The following SCN7A variants were observed in gnomAD, a reference collection of about 807,000 sequenced individuals.
The protein encoded by SCN7A is sodium voltage-gated channel alpha subunit 7, also known as sodium channel protein type 7 subunit alpha.
In SCN7A, 138 loss-of-function variants were observed where a neutral mutation model predicts 155.2. The observed-to-expected ratio is 0.89, with a 90% CI of 0.77 to 1.02. The LOEUF (loss-of-function observed/expected upper bound fraction) is 1.02. Ranked by LOEUF, SCN7A falls within the 50% of genes least tolerant of loss-of-function variation. SCN7A has a pLI of 0.00. For missense variants in SCN7A, 2,058 were observed against 1,986.6 expected, an observed-to-expected ratio of 1.04 and a Z score of -0.68; for synonymous variants, 693 against 649.0, an observed-to-expected ratio of 1.07 and a Z score of -1.03.
chr2:166,465,097 T>A (rs1575052108), intron 9 of SCN7A, among the ~76,000 whole-genome samples: 1 of 152,174 alleles, frequency 6.6e-6, no homozygotes, highest in East Asian at 1.9e-4. Flanking sequence ...ATGTGATCGA[T>A]ATCCTCAGAG....
At chr2:166,422,074 C>T (rs759192813) in intron 19 of SCN7A, among the ~76,000 whole-genome samples, 77 of 151,944 alleles carry the variant, frequency 5.1e-4, no homozygotes, top group Non-Finnish European at 7.5e-4. Context: ...AACAGGAAGG[C>T]GAGTTGCAGG....
chr2:166,412,688 A>C (rs1242921454), intron 22 of SCN7A, 21 bp from the exon 23 acceptor site: 1 of 1,473,600 alleles, frequency 6.8e-7, no homozygotes, highest in Non-Finnish European at 8.9e-7. Context: ...AAAATAAGCA[A>C]ATTATTGATA....
intron 15 of SCN7A, among the ~76,000 whole-genome samples, chr2:166,438,111 G>T (rs2105425911): frequency 6.6e-6 from 1 of 152,272 alleles, no homozygotes; most frequent in East Asian, 1.9e-4. Context: ...ATCTTGAATT[G>T]TAGTTTCCAT....
chr2:166,456,922 G>C lies in SCN7A; in HGVS notation c.1238C>G (p.Pro413Arg), dbSNP rs1702295798. 6.4e-7 allele frequency: 1 copy of C among 1,561,164 alleles called. No individual in the cohort carries two copies. The highest frequency in any genetic ancestry group is 8.7e-7 in the Non-Finnish European group (1 of 1,152,170). ...TTCTTTTCCAGTCTGTTGAAATTTT[G>C]GTTCAATCTTCTTAGATATTTCACC... is the stretch of plus-strand genomic sequence containing the variant. The part of the protein sequence containing the change: ...RVGEISKKIE[P>R]KFQQTGKELQ... The change falls in exon 11 of 26, where the codon CCA becomes CGA. Residue 413 changes from proline to arginine, a missense_variant. Transcript: ENST00000643258.
Position 166,423,420 on chromosome 2 carries a change from T to TATC in SCN7A, c.2863_2865dup (p.Asp955dup). 6.4e-7 allele frequency: 1 copy of TATC among 1,557,024 alleles called. No individual in the cohort carries two copies. Among genetic ancestry groups the TATC allele is most frequent in the South Asian group, 1.2e-5 (1 of 81,958 alleles). On this transcript the variant is annotated inframe_insertion, in exon 19 of 26. Transcript: ENST00000643258. ...ATTGTCTTTCTCTGATCCATATATATATCTTCAAAAGCCTGTGGGTAAAAA... is the reference window on the plus strand; with the variant it reads ...ATTGTCTTTCTCTGATCCATATATATATCATCTTCAAAAGCCTGTGGGTAAAAA...
chr2:166,406,031 A>C lies in SCN7A; in HGVS notation c.4598T>G (p.Ile1533Arg), dbSNP rs1322758469. The C allele has an allele frequency of 6.2e-7, 1 of 1,612,992 alleles. No individual in the cohort carries two copies. Among genetic ancestry groups the C allele is most frequent in the South Asian group, 1.1e-5 (1 of 91,052 alleles). ...KRFDPDRTQY[I>R]DSSKLSDFAA... is the part of the protein sequence containing the mutation. ...AAAATCTGAAAGCTTGCTAGAGTCT[A>C]TGTACTGGGTCCTATCAGGATCAAA... The change falls in exon 26 of 26, where the codon ATA (isoleucine) becomes AGA (arginine). Residue 1533 changes from isoleucine (I) to arginine (R), a missense_variant. Ile to Arg is a moderately conservative substitution (Grantham distance 97, BLOSUM62 -3). Transcript: ENST00000643258.
At chr2:166,451,224 G>C (rs897173582) in intron 11 of SCN7A, among the ~76,000 whole-genome samples, 2 of 152,106 alleles carry the variant, frequency 1.3e-5, no homozygotes, top group Non-Finnish European at 2.9e-5. Context: ...TACTAATTTG[G>C]CTTCAACTAT....
intron 7 of SCN7A, among the ~76,000 whole-genome samples, chr2:166,466,383 TTA>T (rs1202965414): frequency 6.6e-6 from 1 of 152,142 alleles, no homozygotes; most frequent in Non-Finnish European, 1.5e-5. Context: ...AACAGCAGTA[TTA>T]TATGTTATTC....
At chr2:166,442,918 G>A (rs1701990220) in intron 14 of SCN7A, among the ~76,000 whole-genome samples, 1 of 152,146 alleles carries the variant, frequency 6.6e-6, no homozygotes, top group Non-Finnish European at 1.5e-5. Flanking sequence ...AGATTAAATG[G>A]ACTTAATTGT....
chr2:166,477,667 A>G lies in SCN7A; in HGVS notation c.30T>C (p.Leu10=), dbSNP rs377044431. The change falls in exon 3 of 26, where the codon CTT becomes CTC. Residue 10 remains leucine (L), a synonymous_variant. Coordinates refer to ENST00000643258, the MANE Select transcript of SCN7A (RefSeq NM_002976.4). The part of the protein sequence containing the change: MLASPEPKG[L]VPFTKESFEL... The stretch of plus-strand genomic sequence containing the variant: ...CAAAAGACTCTTTAGTGAAGGGAAC[A>G]AGGCCCTTAGGTTCTGGTGAAGCCA... 1 of 1,595,598 alleles carries G rather than the reference A, an allele frequency of 6.3e-7. No homozygotes were observed. Among genetic ancestry groups the G allele is most frequent in the African/African-American group, 1.4e-5 (1 of 73,972 alleles).
chr2:166,471,881 A>T (rs1702665634), intron 6 of SCN7A, among the ~76,000 whole-genome samples: 1 of 151,982 alleles, frequency 6.6e-6, no homozygotes, highest in Non-Finnish European at 1.5e-5. Flanking sequence ...ACTGATCACT[A>T]AAAGGCACAC....
At chr2:166,493,553 A>C (rs1229511864) in intron 1 of SCN7A, among the ~76,000 whole-genome samples, 1 of 152,242 alleles carries the variant, frequency 6.6e-6, no homozygotes, top group Non-Finnish European at 1.5e-5. Context: ...ATCAATCTTG[A>C]AATCTCTGTT....
chr2:166,465,563 T>C (rs765850987), intron 8 of SCN7A, 32 bp from the exon 9 acceptor site: 6 of 1,500,828 alleles, frequency 4.0e-6, no homozygotes, highest in Admixed American at 1.9e-5. Context: ...ATATTCTATA[T>C]GTAATTATGA....
intron 20 of SCN7A, among the ~76,000 whole-genome samples, chr2:166,419,211 G>C (rs1701455872): frequency 6.6e-6 from 1 of 151,952 alleles, no homozygotes; most frequent in Non-Finnish European, 1.5e-5. Context: ...AAATAAAAAA[G>C]AGTTTATTTT....
intron 13 of SCN7A, 102 bp downstream of exon 13, chr2:166,444,660 T>C (rs552963416): frequency 1.5e-5 from 10 of 680,214 alleles, no homozygotes; most frequent in Non-Finnish European, 2.0e-5. Flanking sequence ...TTGCAACATA[T>C]TGGAGTTACA....
At position 166,432,774 on chromosome 2, in the gene SCN7A, G is replaced by A. The variant is rs772244704; in HGVS notation, c.2158-22C>T. ...GTACCTAAATAAGGAAGTAAAATGA[G>A]GCTAAATGTATCTCATTTTGTTTCA... On this transcript the variant is annotated intron_variant, in intron 15 of 25. Coordinates refer to ENST00000643258, the MANE Select transcript of SCN7A (RefSeq NM_002976.4). The A allele has an allele frequency of 2.7e-6, 4 of 1,468,556 alleles. No individual in the cohort carries two copies. The African/African-American group carries it at 4.2e-5, about 16-fold the overall frequency. 91.0% of individuals were successfully genotyped at this position (1,468,556 alleles called of 1,614,324 possible). A position where few individuals can be genotyped will look rare whatever the true frequency, so the allele number is the denominator to read the frequency against.
chr2:166,482,585 C>A (rs546207229), intron 2 of SCN7A, among the ~76,000 whole-genome samples: 2 of 151,808 alleles, frequency 1.3e-5, no homozygotes, highest in East Asian at 3.9e-4. Context: ...AATCCTGGAC[C>A]ACAGCACTGG....
Position 166,445,001 on chromosome 2 carries a change from C to A in SCN7A, c.1388-1G>T. 1 of 1,581,138 alleles carries A rather than the reference C, an allele frequency of 6.3e-7. No homozygotes were observed. The highest frequency in any genetic ancestry group is 8.7e-7 in the Non-Finnish European group (1 of 1,151,634). On this transcript the variant is annotated splice_acceptor_variant, in intron 12 of 25. Transcript: ENST00000643258. LOFTEE classifies it high-confidence loss of function. ...CATATCTTCTTGGATTTTTCAAGTT[C>A]TGAAATGAAAGAATACAAAAGTTAA...
Position 166,404,405 on chromosome 2 carries a change from A to C in SCN7A, c.*1175T>G, listed in dbSNP as rs1037545200. The C allele has an allele frequency of 6.6e-5, 10 of 151,968 alleles. No homozygotes were observed. Among genetic ancestry groups the C allele is most frequent in the African/African-American group, 2.4e-4 (10 of 41,424 alleles). The allele number at this position is 151,968 out of a possible 1,614,324, so 9.4% of individuals were successfully genotyped here. On this transcript the variant is annotated 3_prime_UTR_variant, in exon 26 of 26. Transcript: ENST00000643258. ...ATGGATGTATATGATGAGATTAAAA[A>C]ACTTGAAAACGTAAATATATAAGGG...
Sources: gnomAD v4.1 joint callset for allele counts (sites outside exome capture counted in the v4.1 genomes callset) on GRCh38, gnomAD v4.1.1 for gene constraint, MANE v1.5 for transcripts, NCBI Gene and HGNC (gene_info 2026-07-23, HGNC 2026-07-21) for gene names.